Variants in MPHOSPH6 observed in about 807,000 individuals in gnomAD.
MPHOSPH6 encodes the protein M-phase phosphoprotein 6.
In MPHOSPH6, 25 loss-of-function variants were observed where a neutral mutation model predicts 21.8. That is an observed-to-expected ratio of 1.15 (90% CI 0.83 to 1.60). MPHOSPH6 has a LOEUF of 1.60. Among genes scored for constraint, MPHOSPH6 ranks in the 40% most tolerant of loss-of-function variants. The pLI is 0.00. For missense variants in MPHOSPH6, 269 were observed against 181.8 expected (o/e 1.48, Z -2.76); for synonymous variants, 84 against 56.5 (o/e 1.49, Z -2.18).
Position 82,170,103 on chromosome 16 carries a change from GGC to G in MPHOSPH6, c.51+20_51+21del. 9 of 1,586,918 alleles carry G rather than the reference GGC, an allele frequency of 5.7e-6. No homozygotes were observed. Among genetic ancestry groups the G allele is most frequent in the Non-Finnish European group, 7.7e-6 (9 of 1,166,942 alleles). On this transcript the variant is annotated intron_variant, in intron 1 of 4. Coordinates refer to ENST00000258169, the MANE Select transcript of MPHOSPH6 (RefSeq NM_005792.2). ...ACCGGGTGCCCCTACCGCCCGGAGT[GGC>G]GCTCTCAGCGTCCCCGCACCTTCAT... is the stretch of plus-strand genomic sequence containing the variant.
intron 2 of MPHOSPH6, among the ~76,000 whole-genome samples, chr16:82,157,456 C>A (rs903225729): frequency 6.6e-6 from 1 of 152,186 alleles, no homozygotes; most frequent in African/African-American, 2.4e-5. Context: ...TTTAAGAAAT[C>A]AGAACAGTGC....
chr16:82,160,151 G>A lies in MPHOSPH6; in HGVS notation c.164+3931C>T, dbSNP rs139349099. 2.0e-5 allele frequency among the ~76,000 whole-genome samples: 3 copies of A among 152,232 alleles called. No individual in the cohort carries two copies. The East Asian group carries it at 5.8e-4, about 29-fold the overall frequency. On this transcript the variant is annotated intron_variant, in intron 2 of 4. Transcript: ENST00000258169. ...TATCTTTAATATAAAAAGGAGCACA[G>A]GTGTTTTGTATCTACATGCATGGTT...
intron 1 of MPHOSPH6, among the ~76,000 whole-genome samples, chr16:82,168,943 C>T (rs900760235): frequency 6.6e-6 from 1 of 152,126 alleles, no homozygotes; most frequent in African/African-American, 2.4e-5. Flanking sequence ...CCTGAATTCC[C>T]GTCCTGTCTA....
intron 1 of MPHOSPH6, among the ~76,000 whole-genome samples, chr16:82,169,238 G>C (rs1257373668): frequency 6.6e-6 from 1 of 152,136 alleles, no homozygotes; most frequent in East Asian, 1.9e-4. Flanking sequence ...TGCCTACTCT[G>C]CAACCCCATT....
At chr16:82,157,845 C>A (rs894838219) in intron 2 of MPHOSPH6, among the ~76,000 whole-genome samples, 1 of 152,132 alleles carries the variant, frequency 6.6e-6, no homozygotes, top group Non-Finnish European at 1.5e-5. Context: ...TCTAACCTGC[C>A]TGAGAAACAT....
intron 3 of MPHOSPH6, among the ~76,000 whole-genome samples, chr16:82,150,448 A>C (rs1906228319): frequency 6.6e-6 from 1 of 152,170 alleles, no homozygotes; most frequent in Non-Finnish European, 1.5e-5. Context: ...CTTAATTATC[A>C]CACATGCCTC....
chr16:82,156,541 A>T (rs1262377468), intron 2 of MPHOSPH6, among the ~76,000 whole-genome samples: 1 of 152,254 alleles, frequency 6.6e-6, no homozygotes, highest in Non-Finnish European at 1.5e-5. Context: ...ACATTATGTC[A>T]TCAGGAAAAT....
chr16:82,163,297 T>G (rs903530642), intron 2 of MPHOSPH6, among the ~76,000 whole-genome samples: 5 of 152,210 alleles, frequency 3.3e-5, no homozygotes, highest in Non-Finnish European at 5.9e-5. Context: ...CAGAGCTTAC[T>G]AAGGTGAGGA....
intron 2 of MPHOSPH6, among the ~76,000 whole-genome samples, chr16:82,152,282 C>A (rs999836061): frequency 2.1e-4 from 32 of 152,062 alleles, no homozygotes; most frequent in African/African-American, 6.3e-4. Flanking sequence ...TTAGTGGTGA[C>A]TTCTGAGATT....
rs1064208 is a variant in MPHOSPH6 at position 82,148,372 on chromosome 16, T to C, written c.*359A>G. The C allele has an allele frequency of 0.49, 81,254 of 166,618 alleles. 23,612 individuals carry two copies. Among genetic ancestry groups the C allele is most frequent in the Non-Finnish European group, 0.65 (50,526 of 78,318 alleles). The allele number at this position is 166,618 out of a possible 1,614,324, so 10.3% of individuals were successfully genotyped here. A position where few individuals can be genotyped will look rare whatever the true frequency, so the allele number is the denominator to read the frequency against. On this transcript the variant is annotated 3_prime_UTR_variant, in exon 5 of 5. Coordinates refer to ENST00000258169, the MANE Select transcript of MPHOSPH6 (RefSeq NM_005792.2). ...GTACGAATTGGCTTGACATAATAAATATAAACATAAGGGCAATTTAAACAT... is the reference window on the plus strand; with the variant it reads ...GTACGAATTGGCTTGACATAATAAACATAAACATAAGGGCAATTTAAACAT...
chr16:82,149,225 T>C, intron 4 of MPHOSPH6, 84 bp downstream of exon 4: 1 of 1,384,880 alleles, frequency 7.2e-7, no homozygotes, highest in South Asian at 1.2e-5. Flanking sequence ...AAAGCTGCCG[T>C]GCACTGTGGG....
At position 82,166,049 on chromosome 16, in the gene MPHOSPH6, A is replaced by G. The variant is rs1906767754; in HGVS notation, c.52-1855T>C. Among the ~76,000 whole-genome samples the G allele has an allele frequency of 2.0e-5, 3 of 152,228 alleles. No individual in the cohort carries two copies. The South Asian group carries it at 6.2e-4, about 32-fold the overall frequency. ...TTACCATATGACCCAGCAACCGTCCACGCAAAATGAGTGCGTGTAAAATGG... is the reference window on the plus strand; with the variant it reads ...TTACCATATGACCCAGCAACCGTCCGCGCAAAATGAGTGCGTGTAAAATGG... On this transcript the variant is annotated intron_variant, in intron 1 of 4. Coordinates refer to ENST00000258169, the MANE Select transcript of MPHOSPH6 (RefSeq NM_005792.2).
chr16:82,151,867 C>G (rs903530706), intron 2 of MPHOSPH6, among the ~76,000 whole-genome samples: 4 of 152,068 alleles, frequency 2.6e-5, no homozygotes, highest in African/African-American at 9.7e-5. Context: ...TTTTCCAATT[C>G]TTTTTCAGAA....
At chr16:82,167,364 A>G (rs896052124) in intron 1 of MPHOSPH6, among the ~76,000 whole-genome samples, 3 of 152,346 alleles carry the variant, frequency 2.0e-5, no homozygotes, top group South Asian at 2.1e-4. Flanking sequence ...TTGCCTAAAA[A>G]GTGGTCCCCA....
At chr16:82,149,684 A>G (rs1906200842) in intron 3 of MPHOSPH6, among the ~76,000 whole-genome samples, 1 of 152,246 alleles carries the variant, frequency 6.6e-6, no homozygotes, top group Admixed American at 6.5e-5. Flanking sequence ...TATTTAAAGC[A>G]GGCATACTGC....
chr16:82,165,268 C>G (rs555493120), intron 1 of MPHOSPH6, among the ~76,000 whole-genome samples: 3 of 151,392 alleles, frequency 2.0e-5, no homozygotes, highest in African/African-American at 7.3e-5. Flanking sequence ...GCTGAGATTA[C>G]GCGCCTGCCA....
At chr16:82,167,149 T>G (rs1445936871) in intron 1 of MPHOSPH6, among the ~76,000 whole-genome samples, 2 of 152,198 alleles carry the variant, frequency 1.3e-5, no homozygotes, top group South Asian at 2.1e-4. Flanking sequence ...TATCATATGG[T>G]CCTTTACAGA....
chr16:82,161,768 T>C (rs185165242), intron 2 of MPHOSPH6, among the ~76,000 whole-genome samples: 4 of 152,306 alleles, frequency 2.6e-5, no homozygotes, highest in African/African-American at 9.6e-5. Context: ...TGCCCTTCAG[T>C]TGTTCCAAGT....
intron 3 of MPHOSPH6, among the ~76,000 whole-genome samples, chr16:82,150,713 G>C (rs1036964937): frequency 6.6e-6 from 1 of 152,170 alleles, no homozygotes; most frequent in African/African-American, 2.4e-5. Flanking sequence ...CATTCTCTTA[G>C]GAAAGCCACC....
Sources: allele counts gnomAD v4.1 joint callset (sites outside exome capture counted in the v4.1 genomes callset), GRCh38; gene constraint gnomAD v4.1.1; transcripts MANE v1.5; gene names NCBI Gene and HGNC (gene_info 2026-07-23, HGNC 2026-07-21).